The following ENG variants were observed in gnomAD, a reference collection of about 807,000 sequenced individuals.
The protein encoded by ENG is CD105 antigen.
A neutral mutation model predicts 71.0 loss-of-function variants in ENG; 17 were observed. The observed-to-expected ratio is 0.24, with a 90% CI of 0.16 to 0.36. ENG has a LOEUF of 0.36. ENG is among the 10% of genes least tolerant of loss of function. The pLI is 1.00. For synonymous variants in ENG, 360 were observed against 366.9 expected (o/e 0.98, Z 0.21); for missense variants, 749 against 868.3 (o/e 0.86, Z 1.73).
intron 2 of ENG, 149 bp from the exon 3 acceptor site, chr9:127,829,976 T>C: frequency 9.3e-7 from 1 of 1,075,946 alleles, no homozygotes; most frequent in Non-Finnish European, 1.4e-6. Context: ...GGGTAGTGCC[T>C]GTCCCTCTGG....
In ENG at chr9:127,816,066, G is replaced by A. The variant is rs373611252; in HGVS notation, c.1742-13C>T. 7.1e-5 allele frequency: 114 copies of A among 1,605,854 alleles called. No homozygotes were observed. Among genetic ancestry groups the A allele is most frequent in the African/African-American group, 6.1e-4 (46 of 74,968 alleles). ...TTGCTTGTGCAACCTAGAGAGGGCC[G>A]ACGCCATCAGCACTGCCACTCTGCC... On this transcript the variant is annotated splice_polypyrimidine_tract_variant and intron_variant, in intron 13 of 14. Transcript: ENST00000373203.
At chr9:127,825,602 G>A (rs1240495311) in intron 5 of ENG, 93 bp downstream of exon 5, 2 of 1,231,246 alleles carry the variant, frequency 1.6e-6, no homozygotes, top group Non-Finnish European at 2.1e-6. Context: ...ACTGGGGTGG[G>A]GCTTTATAAG....
At position 127,825,801 on chromosome 9, in the gene ENG, C is replaced by G. The variant is rs1255912441; in HGVS notation, c.583G>C (p.Glu195Gln). 16 of 1,596,752 alleles carry G rather than the reference C, an allele frequency of 1.0e-5. No individual in the cohort carries two copies. The highest frequency in any genetic ancestry group is 1.4e-5 in the Non-Finnish European group (16 of 1,172,642). The change falls in exon 5 of 15, where the codon GAG (glutamate) becomes CAG (glutamine). Residue 195 changes from glutamate to glutamine, a missense_variant. Physicochemically the swap from Glu to Gln is conservative, Grantham distance 29. Transcript: ENST00000373203. ...EASQDMGRTL[E>Q]WRPRTPALVR... is the part of the protein sequence containing the mutation. ...AAGGCTGGAGTACGCGGCCGCCACT[C>G]GAGCGTGCGGCCCATGTCCTGGCTG...
At chr9:127,840,613 G>A (rs895491433) in intron 2 of ENG, among the ~76,000 whole-genome samples, 4 of 152,168 alleles carry the variant, frequency 2.6e-5, no homozygotes, top group South Asian at 2.1e-4. Flanking sequence ...TCCTGAGTCC[G>A]AGAAAGGTGT....
At position 127,815,603 on chromosome 9, in the gene ENG, T is replaced by C; in HGVS notation, c.*79A>G. ...ATTCTGGGTCGAGTGGAGGACTGGC[T>C]CCCAGGGTGAGTTCACACCAGTGCT... On this transcript the variant is annotated 3_prime_UTR_variant, in exon 15 of 15. Coordinates refer to ENST00000373203, the MANE Select transcript of ENG (RefSeq NM_001114753.3). 6.6e-7 allele frequency: 1 copy of C among 1,514,496 alleles called. No individual in the cohort carries two copies. Among genetic ancestry groups the C allele is most frequent in the East Asian group, 2.5e-5 (1 of 40,658 alleles). The allele number at this position is 1,514,496 out of a possible 1,614,324, so 93.8% of individuals were successfully genotyped here.
At chr9:127,851,977 C>A (rs1163674167) in intron 1 of ENG, among the ~76,000 whole-genome samples, 1 of 152,156 alleles carries the variant, frequency 6.6e-6, no homozygotes, top group Non-Finnish European at 1.5e-5. Flanking sequence ...AGAATTTTCT[C>A]TGTGCATATT....
rs1419678176 is a variant in ENG, at chr9:127,836,495, C to T, written c.219+6599G>A. ...CTCAGGGCTGCCTGCAGCCCCCACC[C>T]TCCCAGGGCCTGACTGGAGGCGGTC... On this transcript the variant is annotated intron_variant, in intron 2 of 14. Transcript: ENST00000373203. The surrounding 1 kb of genome is among the most constrained non-coding windows in gnomAD (Gnocchi z 4.0). Among the ~76,000 whole-genome samples, 1 of 152,250 alleles carries T rather than the reference C, an allele frequency of 6.6e-6. No homozygotes were observed. The highest frequency in any genetic ancestry group is 6.5e-5 in the Admixed American group (1 of 15,290).
In ENG at chr9:127,843,181, A is replaced by G. The variant is rs1438184774; in HGVS notation, c.132T>C (p.Tyr44=). The part of the protein sequence containing the change: ...PVGPERGEVT[Y]TTSQVSKGCV... The stretch of plus-strand genomic sequence containing the variant: ...AGCCCTTCGAGACCTGGCTAGTGGT[A>G]TATGTCACCTCGCCCCTCTCGGGGC... The change falls in exon 2 of 15, where the codon TAT becomes TAC. Residue 44 remains tyrosine (Y), a synonymous_variant. Transcript: ENST00000373203. 1.2e-6 allele frequency: 2 copies of G among 1,614,116 alleles called. No individual in the cohort carries two copies. Among genetic ancestry groups the G allele is most frequent in the Admixed American group, 1.7e-5 (1 of 60,012 alleles).
chr9:127,822,899 G>A (rs1460923848), intron 8 of ENG, among the ~76,000 whole-genome samples: 1 of 152,204 alleles, frequency 6.6e-6, no homozygotes, highest in African/African-American at 2.4e-5. Context: ...GGAGTGCAGT[G>A]GCACAATCTC....
intron 5 of ENG, 61 bp downstream of exon 5, chr9:127,825,634 G>GGT: frequency 3.6e-6 from 5 of 1,378,426 alleles, no homozygotes; most frequent in Non-Finnish European, 4.8e-6. Flanking sequence ...GGGGCGGGGG[G>GGT]GGTCAGGGGG....
At chr9:127,853,788 C>A (rs1200336213) in intron 1 of ENG, among the ~76,000 whole-genome samples, 1 of 152,236 alleles carries the variant, frequency 6.6e-6, no homozygotes, top group Non-Finnish European at 1.5e-5. Flanking sequence ...CTCAGCAGCT[C>A]TGAGAGGGAA....
In ENG at chr9:127,834,767, G is replaced by A. The variant is rs369484091; in HGVS notation, c.220-4940C>T. Among the ~76,000 whole-genome samples the A allele has an allele frequency of 4.1e-4, 61 of 147,918 alleles. 1 individual carries two copies. In the East Asian group the frequency reaches 9.6e-3, roughly 23 times the overall value. ...TTGGCCACAATGGTCTTAATCTCTTGACCTGTGATCTGCCTGCCTCAGCCT... is the reference window on the plus strand; with the variant it reads ...TTGGCCACAATGGTCTTAATCTCTTAACCTGTGATCTGCCTGCCTCAGCCT... On this transcript the variant is annotated intron_variant, in intron 2 of 14. Transcript: ENST00000373203.
intron 13 of ENG, 83 bp from the exon 14 acceptor site, chr9:127,816,136 G>A: frequency 1.3e-6 from 2 of 1,520,930 alleles, no homozygotes; most frequent in Non-Finnish European, 1.8e-6. Flanking sequence ...TGTGGGCTTT[G>A]GTGCCAGCTC....
Position 127,819,894 on chromosome 9 carries a change from T to C in ENG, c.1272+6A>G. The C allele has an allele frequency of 1.2e-6, 2 of 1,614,224 alleles. No homozygotes were observed. The highest frequency in any genetic ancestry group is 8.5e-7 in the Non-Finnish European group (1 of 1,180,042). On this transcript the variant is annotated splice_donor_region_variant and intron_variant, in intron 9 of 14. Coordinates refer to ENST00000373203, the MANE Select transcript of ENG (RefSeq NM_001114753.3). ...GTCCTGATACCTTTTTGGCCCCAGCTCTTACCTCATTGCTGATCATACTTG... is the reference window on the plus strand; with the variant it reads ...GTCCTGATACCTTTTTGGCCCCAGCCCTTACCTCATTGCTGATCATACTTG...
Position 127,828,835 on chromosome 9 carries a change from G to A in ENG, c.360+852C>T, listed in dbSNP as rs1018570216. On this transcript the variant is annotated intron_variant, in intron 3 of 14. Coordinates refer to ENST00000373203, the MANE Select transcript of ENG (RefSeq NM_001114753.3). ...CCTGCCTCCCTCCCGCAGTGGGCAT[G>A]TTTCTTTCTATGCCTCTCTCCCCTT... Among the ~76,000 whole-genome samples the A allele has an allele frequency of 3.3e-5, 5 of 152,206 alleles. No homozygotes were observed. In the East Asian group the frequency reaches 9.6e-4, roughly 29 times the overall value.
At chr9:127,822,404 GA>G (rs1443875640) in intron 8 of ENG, 1 of 152,234 alleles carries the variant, frequency 6.6e-6, no homozygotes, top group Non-Finnish European at 1.5e-5. Context: ...TCATCTTTGG[GA>G]AAGTGGGTTG....
Position 127,854,404 on chromosome 9 carries a change from G to T in ENG, c.-49C>A. On this transcript the variant is annotated 5_prime_UTR_variant, in exon 1 of 15. Transcript: ENST00000373203. Reference sequence around the variant, plus strand: ...GCTGGGCCTTATCCTGTGTCCAGTGGCAGGGCTGCGGGCGGGCACCGGGGC... The same window carrying T: ...GCTGGGCCTTATCCTGTGTCCAGTGTCAGGGCTGCGGGCGGGCACCGGGGC... 5.2e-6 allele frequency: 8 copies of T among 1,535,728 alleles called. No individual in the cohort carries two copies. The highest frequency in any genetic ancestry group is 6.2e-6 in the Non-Finnish European group (7 of 1,136,328).
intron 2 of ENG, among the ~76,000 whole-genome samples, chr9:127,834,894 A>G (rs1235333626): frequency 6.6e-6 from 1 of 151,426 alleles, no homozygotes; most frequent in Non-Finnish European, 1.5e-5. Flanking sequence ...ATATGTTTCA[A>G]ATTTATGTTT....
intron 13 of ENG, 71 bp from the exon 14 acceptor site, chr9:127,816,124 C>A: frequency 6.4e-7 from 1 of 1,556,264 alleles, no homozygotes. Flanking sequence ...TGTGCTGGCC[C>A]ATGTGGGCTT....
Sources: gnomAD v4.1 joint callset for allele counts (sites outside exome capture counted in the v4.1 genomes callset) on GRCh38, gnomAD v4.1.1 for gene constraint, Gnocchi (gnomAD v3.1) non-coding constraint, MANE v1.5 for transcripts, NCBI Gene and HGNC (gene_info 2026-07-23, HGNC 2026-07-21) for gene names.